The following STK17A variants were observed in gnomAD, a reference collection of about 807,000 sequenced individuals.
The protein encoded by STK17A is serine/threonine-protein kinase 17A.
A neutral mutation model predicts 43.7 loss-of-function variants in STK17A; 26 were observed. The observed-to-expected ratio is 0.60, with a 90% CI of 0.44 to 0.83. The LOEUF (loss-of-function observed/expected upper bound fraction) is 0.83. Among genes scored for constraint, STK17A ranks in the 40% least tolerant of loss-of-function variants. The probability of loss-of-function intolerance (pLI) is 0.00; values close to 1 mark genes in which losing one functional copy is unlikely to be tolerated. For missense variants in STK17A, 476 were observed against 511.6 expected, an observed-to-expected ratio of 0.93 and a Z score of 0.67; for synonymous variants, 191 against 182.5, an observed-to-expected ratio of 1.05 and a Z score of -0.38.
At chr7:43,589,822 G>A (rs989929466) in intron 1 of STK17A, among the ~76,000 whole-genome samples, 1 of 150,872 alleles carries the variant, frequency 6.6e-6, no homozygotes, top group Non-Finnish European at 1.5e-5. Context: ...TATTTTATTG[G>A]CCTCTCTGTT....
At chr7:43,608,437 A>G in intron 3 of STK17A, 37 bp downstream of exon 3, 2 of 1,582,700 alleles carry the variant, frequency 1.3e-6, no homozygotes, top group Non-Finnish European at 1.7e-6. Context: ...TTGCTAAAGA[A>G]TGACATTCAA....
chr7:43,615,268 C>A (rs1487354732), intron 3 of STK17A, among the ~76,000 whole-genome samples: 3 of 152,160 alleles, frequency 2.0e-5, no homozygotes, highest in African/African-American at 7.2e-5. Context: ...CTCTGCCTCC[C>A]AGGCTCAAGT....
chr7:43,619,758 C>G, intron 4 of STK17A, 35 bp downstream of exon 4: 1 of 1,605,012 alleles, frequency 6.2e-7, no homozygotes, highest in Admixed American at 1.7e-5. Context: ...GTTCTGGGGT[C>G]AGGCATCACC....
chr7:43,589,513 T>G (rs1394949081), intron 1 of STK17A, among the ~76,000 whole-genome samples: 1 of 148,272 alleles, frequency 6.7e-6, no homozygotes, highest in East Asian at 1.9e-4. Flanking sequence ...TGAATTTGTA[T>G]TTGGAATCCC....
chr7:43,598,424 C>G (rs1233628706), intron 2 of STK17A, among the ~76,000 whole-genome samples: 1 of 143,266 alleles, frequency 7.0e-6, no homozygotes, highest in African/African-American at 2.6e-5. Context: ...GAGCACAGAT[C>G]GTGCCACTGC....
chr7:43,594,840 T>C (rs1583549566), intron 1 of STK17A, among the ~76,000 whole-genome samples: 1 of 136,338 alleles, frequency 7.3e-6, no homozygotes, highest in African/African-American at 2.7e-5. Context: ...AGGAGTTCAA[T>C]ACTAGCCTGA....
At chr7:43,622,500 G>A (rs1171209201) in intron 4 of STK17A, 1 of 151,222 alleles carries the variant, frequency 6.6e-6, no homozygotes, top group Non-Finnish European at 1.5e-5. Flanking sequence ...TGTGGATTCA[G>A]TACTTATTGA....
chr7:43,614,068 ATTG>A (rs915907541), intron 3 of STK17A, among the ~76,000 whole-genome samples: 2 of 152,088 alleles, frequency 1.3e-5, no homozygotes, highest in African/African-American at 4.8e-5. Context: ...TAGAACTTTA[ATTG>A]TCTGATAAAA....
chr7:43,623,787 A>C lies in STK17A; in HGVS notation c.819A>C (p.Leu273Phe). ...GCAATGATAAACAAGAAACATTCTTAAACATCTCACAGATGAATTTAAGTT... is the reference window on the plus strand; with the variant it reads ...GCAATGATAAACAAGAAACATTCTTCAACATCTCACAGATGAATTTAAGTT... ...FLGNDKQETF[L>F]NISQMNLSYS... Residue 273 changes from leucine (L) to phenylalanine (F), a missense_variant, in exon 6 of 7, where the codon TTA (leucine) becomes TTC (phenylalanine). This residue lies in a region of STK17A where 46 missense variants were observed against 81.6 expected (regional missense o/e 0.56). Coordinates refer to ENST00000319357, the MANE Select transcript of STK17A (RefSeq NM_004760.3). 3 of 1,609,268 alleles carry C rather than the reference A, an allele frequency of 1.9e-6. No homozygotes were observed. Among genetic ancestry groups the C allele is most frequent in the Non-Finnish European group, 2.5e-6 (3 of 1,178,660 alleles).
chr7:43,585,058 C>T (rs2082429175), intron 1 of STK17A, among the ~76,000 whole-genome samples: 1 of 152,040 alleles, frequency 6.6e-6, no homozygotes, highest in Non-Finnish European at 1.5e-5. Context: ...TTAGCTGGGC[C>T]TGGTGGTGGG....
At position 43,627,377 on chromosome 7, in the gene STK17A, T is replaced by C. The variant is rs567669440; in HGVS notation, c.*2535T>C. On this transcript the variant is annotated 3_prime_UTR_variant, in exon 7 of 7. Coordinates refer to ENST00000319357, the MANE Select transcript of STK17A (RefSeq NM_004760.3). Reference sequence around the variant, plus strand: ...AAAATGTATTAAAGGGTTATAAAGATCACTTAGAGAATGTGAGACAGAACA... The same window carrying C: ...AAAATGTATTAAAGGGTTATAAAGACCACTTAGAGAATGTGAGACAGAACA... Among the ~76,000 whole-genome samples, 11 of 152,276 alleles carry C rather than the reference T, an allele frequency of 7.2e-5. No homozygotes were observed. In the South Asian group the frequency reaches 1.4e-3, roughly 20 times the overall value.
At position 43,613,962 on chromosome 7, in the gene STK17A, G is replaced by A. The variant is rs967930853; in HGVS notation, c.564+5562G>A. On this transcript the variant is annotated intron_variant, in intron 3 of 6. Coordinates refer to ENST00000319357, the MANE Select transcript of STK17A (RefSeq NM_004760.3). ...ATCAGTATATTACTTGAAAGCAGGG[G>A]TAATAAAAACATTCCTAAACAGTCC... Among the ~76,000 whole-genome samples, 7 of 152,100 alleles carry A rather than the reference G, an allele frequency of 4.6e-5. 1 individual carries two copies. Among genetic ancestry groups the A allele is most frequent in the Admixed American group, 1.3e-4 (2 of 15,278 alleles).
chr7:43,588,863 A>G (rs1230389143), intron 1 of STK17A, among the ~76,000 whole-genome samples: 4 of 151,444 alleles, frequency 2.6e-5, no homozygotes, highest in Admixed American at 2.6e-4. Context: ...CTCCAGTGTA[A>G]TTAGGCAAAT....
intron 4 of STK17A, 74 bp downstream of exon 4, chr7:43,619,797 G>T: frequency 1.3e-6 from 2 of 1,533,220 alleles, no homozygotes; most frequent in South Asian, 2.5e-5. Flanking sequence ...CATGTGGCAT[G>T]ACTCATAGTG....
intron 2 of STK17A, among the ~76,000 whole-genome samples, chr7:43,605,815 T>G (rs1201403163): frequency 1.3e-5 from 2 of 152,042 alleles, no homozygotes; most frequent in African/African-American, 4.8e-5. Context: ...ATTTTCTAGT[T>G]GTTTATAGCC....
At chr7:43,591,112 C>A (rs905889157) in intron 1 of STK17A, among the ~76,000 whole-genome samples, 1 of 151,442 alleles carries the variant, frequency 6.6e-6, no homozygotes, top group East Asian at 1.9e-4. Context: ...CAAATCATTG[C>A]GACCTGCTGT....
chr7:43,596,103 G>A lies in STK17A; in HGVS notation c.409G>A (p.Val137Ile). ...VYETASEMIL[V>I]LEYAAGGEIF... Reference sequence around the variant, plus strand: ...TGAGACTGCATCAGAAATGATCTTAGTTCTGGAATAGTAAGTATTGTCTTT... The same window carrying A: ...TGAGACTGCATCAGAAATGATCTTAATTCTGGAATAGTAAGTATTGTCTTT... Residue 137 changes from valine (V) to isoleucine (I), a missense_variant, in exon 2 of 7, where the codon GTT (valine) becomes ATT (isoleucine). Physicochemically the swap from Val to Ile is conservative, Grantham distance 29 (BLOSUM62 3). Coordinates refer to ENST00000319357, the MANE Select transcript of STK17A (RefSeq NM_004760.3). The A allele has an allele frequency of 6.2e-7, 1 of 1,609,030 alleles. No homozygotes were observed. Among genetic ancestry groups the A allele is most frequent in the Non-Finnish European group, 8.5e-7 (1 of 1,177,360 alleles).
chr7:43,599,684 A>G (rs1381061818), intron 2 of STK17A, among the ~76,000 whole-genome samples: 1 of 152,216 alleles, frequency 6.6e-6, no homozygotes, highest in African/African-American at 2.4e-5. Flanking sequence ...ACTTATTAGG[A>G]AACTGGCTTA....
Position 43,583,312 on chromosome 7 carries a change from A to C in STK17A, c.69A>C (p.Ala23=). The part of the protein sequence containing the change: ...SPGATSGSGR[A]GRGLSGPCRP... ...GCGCCACCTCAGGCTCGGGCCGGGC[A>C]GGCCGGGGTCTGAGCGGGCCGTGCC... Residue 23 remains alanine (A), a synonymous_variant, in exon 1 of 7, where the codon GCA becomes GCC. Coordinates refer to ENST00000319357, the MANE Select transcript of STK17A (RefSeq NM_004760.3). 1 of 1,513,658 alleles carries C rather than the reference A, an allele frequency of 6.6e-7. No individual in the cohort carries two copies. The highest frequency in any genetic ancestry group is 8.8e-7 in the Non-Finnish European group (1 of 1,133,546). 93.8% of individuals were successfully genotyped at this position (1,513,658 alleles called of 1,614,324 possible).
Sources: allele counts gnomAD v4.1 joint callset (sites outside exome capture counted in the v4.1 genomes callset), GRCh38; gene constraint gnomAD v4.1.1; regional missense constraint gnomAD v4.1.1; transcripts MANE v1.5; gene names NCBI Gene and HGNC (gene_info 2026-07-23, HGNC 2026-07-21).